Variants in TIMD4 observed in about 807,000 individuals in gnomAD.
TIMD4 encodes T-cell immunoglobulin and mucin domain-containing protein 4.
Under a neutral mutation model 41.2 loss-of-function variants are expected in TIMD4, and 31 were observed. The observed-to-expected ratio is 0.75, with a 90% confidence interval of 0.57 to 1.01. The LOEUF is 1.01. Ranked by LOEUF, TIMD4 falls within the 50% of genes least tolerant of loss-of-function variation. The pLI is 0.00. For synonymous variants in TIMD4, 204 were observed against 177.1 expected (o/e 1.15, Z -1.21); for missense variants, 479 against 472.5 (o/e 1.01, Z -0.13).
chr5:156,931,287 G>A (rs1244572989), intron 5 of TIMD4, among the ~76,000 whole-genome samples: 1 of 152,138 alleles, frequency 6.6e-6, no homozygotes, highest in East Asian at 1.9e-4. Flanking sequence ...GTAAGTTTGA[G>A]GTCATTTGTT....
At chr5:156,947,146 G>A (rs747543600) in intron 5 of TIMD4, among the ~76,000 whole-genome samples, 18 of 151,890 alleles carry the variant, frequency 1.2e-4, no homozygotes, top group Non-Finnish European at 2.5e-4. Context: ...TGCAGTGAGC[G>A]GAGATCGCAC....
chr5:156,951,227 A>T (rs1382380164), intron 3 of TIMD4, among the ~76,000 whole-genome samples: 1 of 152,200 alleles, frequency 6.6e-6, no homozygotes, highest in African/African-American at 2.4e-5. Context: ...ATGGAAGGAC[A>T]GGCAGAGGGA....
intron 5 of TIMD4, among the ~76,000 whole-genome samples, chr5:156,928,305 A>C (rs1759384776): frequency 6.6e-6 from 1 of 151,852 alleles, no homozygotes; most frequent in Non-Finnish European, 1.5e-5. Flanking sequence ...TAAAAAAAAA[A>C]GACAGAAAGA....
chr5:156,951,545 CG>C lies in TIMD4; in HGVS notation c.645del (p.Glu216SerfsTer35). On this transcript the variant is annotated frameshift_variant, in exon 3 of 9. Coordinates refer to ENST00000274532, the MANE Select transcript of TIMD4 (RefSeq NM_138379.3). LOFTEE classifies it high-confidence loss of function. Reference sequence around the variant, plus strand: ...AGGATGGGCCCTTCCTTAGAAGGCTCGGGAGTCAGAAGACCTGTGGCTTCCT... The same window carrying C: ...AGGATGGGCCCTTCCTTAGAAGGCTCGGAGTCAGAAGACCTGTGGCTTCCT... ...LPEEATGLLT[P>X]EPSKEGPILT... 6.2e-7 allele frequency: 1 copy of C among 1,614,080 alleles called. No homozygotes were observed.
intron 6 of TIMD4, among the ~76,000 whole-genome samples, chr5:156,923,539 A>AT (rs199934025): frequency 0.057 from 8,397 of 146,688 alleles, 516 homozygotes; most frequent in African/African-American, 0.16. Context: ...TAAGAAACTG[A>AT]TTTTTTTTTT....
chr5:156,920,911 G>A (rs538086874), intron 7 of TIMD4, among the ~76,000 whole-genome samples: 17 of 152,300 alleles, frequency 1.1e-4, no homozygotes, highest in Non-Finnish European at 1.8e-4. Flanking sequence ...ACCTGGGGCA[G>A]GTGTTGAAAT....
chr5:156,951,630 G>T lies in TIMD4; in HGVS notation c.561C>A (p.Thr187=), dbSNP rs1483582451. 3 of 1,614,096 alleles carry T rather than the reference G, an allele frequency of 1.9e-6. No individual in the cohort carries two copies. Among genetic ancestry groups the T allele is most frequent in the African/African-American group, 2.7e-5 (2 of 74,938 alleles). The part of the protein sequence containing the change: ...LTTGTPLQMT[T]IAVFTTANTC... The stretch of plus-strand genomic sequence containing the variant: ...TGTTTGCTGTTGTGAAGACGGCAAT[G>T]GTTGTCATCTGGAGTGGTGTTCCGG... The change falls in exon 3 of 9, where the codon ACC becomes ACA. Residue 187 remains threonine, a synonymous_variant. Transcript: ENST00000274532.
In TIMD4 at chr5:156,919,535, G is replaced by C. The variant is rs758380789; in HGVS notation, c.1059C>G (p.Asp353Glu). Residue 353 changes from aspartate to glutamate, a missense_variant, in exon 9 of 9, where the codon GAC becomes GAG. Transcript: ENST00000274532. ...TYCSQKHTRL[D>E]YIGDSKNVLN... The stretch of plus-strand genomic sequence containing the variant: ...GGACATTTTTACTATCTCCAATGTA[G>C]TCTAGCCTGTAAACAGAAAAGAGGG... The C allele has an allele frequency of 6.2e-7, 1 of 1,613,594 alleles. No homozygotes were observed. The highest frequency in any genetic ancestry group is 8.5e-7 in the Non-Finnish European group (1 of 1,179,754).
At chr5:156,925,052 T>C (rs1759321367) in intron 6 of TIMD4, among the ~76,000 whole-genome samples, 1 of 152,226 alleles carries the variant, frequency 6.6e-6, no homozygotes, top group Non-Finnish European at 1.5e-5. Flanking sequence ...CTCACGCCTG[T>C]AATCCTGGCA....
At chr5:156,956,457 CT>C (rs1225528037) in intron 1 of TIMD4, among the ~76,000 whole-genome samples, 1 of 152,162 alleles carries the variant, frequency 6.6e-6, no homozygotes, top group African/African-American at 2.4e-5. Flanking sequence ...ACCTAGGGAG[CT>C]TGTTAAAAAT....
intron 2 of TIMD4, among the ~76,000 whole-genome samples, chr5:156,952,573 A>T (rs576036601): frequency 3.0e-4 from 45 of 152,126 alleles, no homozygotes; most frequent in African/African-American, 1.1e-3. Flanking sequence ...CTCATTCTTC[A>T]TGAGGCTGAC....
At chr5:156,962,718 C>T (rs1250788675) in intron 1 of TIMD4, among the ~76,000 whole-genome samples, 1 of 152,150 alleles carries the variant, frequency 6.6e-6, no homozygotes, top group Non-Finnish European at 1.5e-5. Flanking sequence ...CATAAAGCCT[C>T]ACCCCAGCAA....
chr5:156,954,725 C>T lies in TIMD4; in HGVS notation c.90G>A (p.Glu30=), dbSNP rs776158416. 2 of 1,613,410 alleles carry T rather than the reference C, an allele frequency of 1.2e-6. No individual in the cohort carries two copies. The highest frequency in any genetic ancestry group is 2.2e-5 in the East Asian group (1 of 44,864). The change falls in exon 2 of 9, where the codon GAG becomes GAA. Residue 30 remains glutamate, a synonymous_variant. Transcript: ENST00000274532. ...GCAAAGTCACCCGGTGACCCAAAACCTCCGTCACAACAGTCTCTGAAGTGA... is the reference window on the plus strand; with the variant it reads ...GCAAAGTCACCCGGTGACCCAAAACTTCCGTCACAACAGTCTCTGAAGTGA... The part of the protein sequence containing the change: ...TPVTSETVVT[E]VLGHRVTLPC...
intron 1 of TIMD4, among the ~76,000 whole-genome samples, chr5:156,957,976 A>G (rs1760005305): frequency 6.6e-6 from 1 of 152,162 alleles, no homozygotes. Flanking sequence ...CCTAATTGCT[A>G]AATAAGAAAA....
At chr5:156,931,342 C>A (rs1759441659) in intron 5 of TIMD4, among the ~76,000 whole-genome samples, 1 of 152,150 alleles carries the variant, frequency 6.6e-6, no homozygotes, top group Admixed American at 6.5e-5. Flanking sequence ...GTTCCTAAGA[C>A]CTTCCAAAAG....
At chr5:156,940,186 G>A (rs954735267) in intron 5 of TIMD4, among the ~76,000 whole-genome samples, 7 of 152,262 alleles carry the variant, frequency 4.6e-5, no homozygotes, top group Admixed American at 2.0e-4. Context: ...TCCAGCTCCT[G>A]ACCTCGAGTG....
chr5:156,960,869 A>T (rs76733337), intron 1 of TIMD4, among the ~76,000 whole-genome samples: 2 of 152,246 alleles, frequency 1.3e-5, no homozygotes, highest in African/African-American at 4.8e-5. Context: ...AAGTTTACAG[A>T]TGCAGGAACT....
chr5:156,936,547 G>T (rs1016504194), intron 5 of TIMD4, among the ~76,000 whole-genome samples: 2 of 152,134 alleles, frequency 1.3e-5, no homozygotes, highest in Non-Finnish European at 2.9e-5. Flanking sequence ...TTGGAGCCAG[G>T]ATCATTTAAC....
chr5:156,960,405 C>CTTT (rs1223450556), intron 1 of TIMD4, among the ~76,000 whole-genome samples: 8 of 135,254 alleles, frequency 5.9e-5, no homozygotes, highest in South Asian at 2.3e-4. Context: ...TTTCTTCCCC[C>CTTT]TTTTTTTTTT....
Sources: gnomAD v4.1 joint callset for allele counts (sites outside exome capture counted in the v4.1 genomes callset) on GRCh38, gnomAD v4.1.1 for gene constraint, MANE v1.5 for transcripts, NCBI Gene and HGNC (gene_info 2026-07-23, HGNC 2026-07-21) for gene names.